Variants in TSPAN18 observed in about 807,000 individuals in gnomAD.
TSPAN18 encodes the protein tetraspanin-18.
A neutral mutation model predicts 27.3 loss-of-function variants in TSPAN18; 14 were observed. The ratio of observed to expected loss-of-function variants is 0.51; its 90% confidence interval spans 0.34 to 0.80. The LOEUF (loss-of-function observed/expected upper bound fraction) is 0.80, where lower values mean the gene tolerates loss of function less well. Among genes scored for constraint, TSPAN18 ranks in the 30% least tolerant of loss-of-function variants. The probability of loss-of-function intolerance (pLI) is 0.01; values close to 1 mark genes in which losing one functional copy is unlikely to be tolerated. For synonymous variants in TSPAN18, 143 were observed against 136.5 expected, an observed-to-expected ratio of 1.05 and a Z score of -0.33; for missense variants, 268 against 323.9, an observed-to-expected ratio of 0.83 and a Z score of 1.32.
intron 6 of TSPAN18, among the ~76,000 whole-genome samples, chr11:44,918,430 G>C (rs1277842872): frequency 6.6e-6 from 1 of 152,080 alleles, no homozygotes; most frequent in Non-Finnish European, 1.5e-5. Flanking sequence ...TATCCTCCTG[G>C]GTACCTTGGC....
chr11:44,734,814 G>T (rs1372086402), intron 1 of TSPAN18, among the ~76,000 whole-genome samples: 1 of 152,292 alleles, frequency 6.6e-6, no homozygotes, highest in South Asian at 2.1e-4. Context: ...TCTCCTTCTG[G>T]GGGGACAGAT....
chr11:44,902,965 T>A (rs1376499643), intron 3 of TSPAN18, among the ~76,000 whole-genome samples: 3 of 152,170 alleles, frequency 2.0e-5, no homozygotes, highest in African/African-American at 4.8e-5. Context: ...CCAGGCTTCC[T>A]TCACACTGCT....
intron 2 of TSPAN18, among the ~76,000 whole-genome samples, chr11:44,774,737 G>A (rs1356626362): frequency 1.3e-5 from 2 of 152,052 alleles, no homozygotes; most frequent in Admixed American, 6.5e-5. Flanking sequence ...CCCTGAGTTC[G>A]AAGGACTCAC....
At chr11:44,782,631 G>GT (rs1855965436) in intron 2 of TSPAN18, among the ~76,000 whole-genome samples, 1 of 151,804 alleles carries the variant, frequency 6.6e-6, no homozygotes. Context: ...CCCATCAGCT[G>GT]TGTACTAGAG....
chr11:44,819,516 A>T (rs1856883870), intron 2 of TSPAN18, among the ~76,000 whole-genome samples: 1 of 152,046 alleles, frequency 6.6e-6, no homozygotes, highest in African/African-American at 2.4e-5. Context: ...TCTCCAGGAG[A>T]ATGTTATTAT....
At chr11:44,778,497 C>A (rs1233120889) in intron 2 of TSPAN18, among the ~76,000 whole-genome samples, 3 of 152,096 alleles carry the variant, frequency 2.0e-5, no homozygotes, top group Non-Finnish European at 4.4e-5. Flanking sequence ...AGGTGAAGGG[C>A]CTTCTAGTAG....
intron 1 of TSPAN18, among the ~76,000 whole-genome samples, chr11:44,753,540 C>A (rs555092524): frequency 6.6e-6 from 1 of 152,202 alleles, no homozygotes; most frequent in Non-Finnish European, 1.5e-5. Context: ...TAGCTGGACT[C>A]GCCGCTGCCA....
chr11:44,812,020 G>A (rs1300877672), intron 2 of TSPAN18, among the ~76,000 whole-genome samples: 2 of 152,170 alleles, frequency 1.3e-5, no homozygotes, highest in South Asian at 2.1e-4. Context: ...GGTCGACTTC[G>A]GTGGAAACAG....
chr11:44,820,467 T>C (rs1856904230), intron 2 of TSPAN18, among the ~76,000 whole-genome samples: 1 of 152,208 alleles, frequency 6.6e-6, no homozygotes, highest in Admixed American at 6.5e-5. Flanking sequence ...CTTTTTGCAA[T>C]AGATGAGACT....
intron 1 of TSPAN18, among the ~76,000 whole-genome samples, chr11:44,727,627 G>C (rs985956199): frequency 6.6e-6 from 1 of 152,122 alleles, no homozygotes; most frequent in African/African-American, 2.4e-5. Flanking sequence ...TGGTTACAAG[G>C]TTCGGGGTTT....
intron 2 of TSPAN18, among the ~76,000 whole-genome samples, chr11:44,791,186 C>T (rs764436215): frequency 3.9e-5 from 6 of 152,102 alleles, no homozygotes; most frequent in Admixed American, 1.3e-4. Context: ...CTCAGTCTCC[C>T]CTCACACCAC....
At chr11:44,750,410 A>G (rs1362141616) in intron 1 of TSPAN18, among the ~76,000 whole-genome samples, 2 of 152,220 alleles carry the variant, frequency 1.3e-5, no homozygotes, top group Non-Finnish European at 2.9e-5. Flanking sequence ...GAAACACTGT[A>G]TTTACCCAAA....
chr11:44,908,782 A>AG lies in TSPAN18; in HGVS notation c.64-922dup, dbSNP rs142911255. 2.0e-4 allele frequency among the ~76,000 whole-genome samples: 23 copies of AG among 115,480 alleles called. 4 individuals are homozygous for AG. The highest frequency in any genetic ancestry group is 8.8e-4 in the African/African-American group (23 of 26,192). The allele number at this position is 115,480 out of a possible 152,430, so 75.8% of individuals were successfully genotyped here. A position where few individuals can be genotyped will look rare whatever the true frequency, so the allele number is the denominator to read the frequency against. On this transcript the variant is annotated intron_variant, in intron 4 of 9. Transcript: ENST00000520358. ...AGAGAGAGAAAGGAGAAAGAAAGAA[A>AG]GAAAGAAAGAAAGAAAGAAAGAAAG...
intron 8 of TSPAN18, among the ~76,000 whole-genome samples, chr11:44,920,231 C>T (rs933411846): frequency 3.3e-5 from 5 of 152,104 alleles, no homozygotes; most frequent in African/African-American, 7.2e-5. Flanking sequence ...GATGGTCTGC[C>T]GCTGGAGTGG....
At chr11:44,759,487 C>G (rs1855402922) in intron 1 of TSPAN18, among the ~76,000 whole-genome samples, 1 of 152,190 alleles carries the variant, frequency 6.6e-6, no homozygotes, top group Non-Finnish European at 1.5e-5. Context: ...CATTCTCTCT[C>G]TCTTTCTCAC....
At chr11:44,790,264 TGTGTATGTGTGCATGTGTTC>T (rs966602215) in intron 2 of TSPAN18, among the ~76,000 whole-genome samples, 5 of 151,320 alleles carry the variant, frequency 3.3e-5, no homozygotes, top group African/African-American at 1.2e-4. Context: ...CATATGTTTA[TGTGTATGTGTGCATGTGTTC>T]GTGTATGTGC....
intron 1 of TSPAN18, among the ~76,000 whole-genome samples, chr11:44,759,025 C>T (rs371597209): frequency 8.5e-5 from 13 of 152,302 alleles, no homozygotes; most frequent in African/African-American, 3.1e-4. Context: ...GACCCTTTAC[C>T]GATTTTATAG....
At chr11:44,896,781 TGCCACC>T (rs763805724) in intron 3 of TSPAN18, among the ~76,000 whole-genome samples, 1 of 151,772 alleles carries the variant, frequency 6.6e-6, no homozygotes, top group Admixed American at 6.6e-5. Flanking sequence ...TCCTCCACGC[TGCCACC>T]ACCACCACCA....
chr11:44,846,226 G>A (rs1385074200), intron 2 of TSPAN18, among the ~76,000 whole-genome samples: 1 of 152,230 alleles, frequency 6.6e-6, no homozygotes, highest in African/African-American at 2.4e-5. Context: ...GCCAGGAAGT[G>A]GCAGAATCCG....
Sources: gnomAD v4.1 joint callset for allele counts (sites outside exome capture counted in the v4.1 genomes callset) on GRCh38, gnomAD v4.1.1 for gene constraint, MANE v1.5 for transcripts, NCBI Gene and HGNC (gene_info 2026-07-23, HGNC 2026-07-21) for gene names.